USP34: variants seen among roughly 807,000 people sequenced by gnomAD.
The protein encoded by USP34 is ubiquitin specific peptidase 34, also known as ubiquitin carboxyl-terminal hydrolase 34.
A neutral mutation model predicts 460.3 loss-of-function variants in USP34; 70 were observed. The observed-to-expected ratio is 0.15, with a 90% CI of 0.13 to 0.19. The LOEUF (loss-of-function observed/expected upper bound fraction) is 0.19. Among genes scored for constraint, USP34 ranks in the 10% least tolerant of loss-of-function variants. The pLI, the probability that USP34 is intolerant of heterozygous loss-of-function variation, is 1.00. For synonymous variants in USP34, 1,647 were observed against 1,405.3 expected (o/e 1.17, Z -3.85); for missense variants, 3,985 against 4,236.2 (o/e 0.94, Z 1.65).
At chr2:61,220,244 A>G in intron 67 of USP34, 66 bp downstream of exon 67, 1 of 1,482,838 alleles carries the variant, frequency 6.7e-7, no homozygotes, top group Non-Finnish European at 9.0e-7. Context: ...GTTGCCTAAA[A>G]ACAAAATGAA....
chr2:61,425,340 C>T (rs1422143661), intron 1 of USP34, among the ~76,000 whole-genome samples: 4 of 152,076 alleles, frequency 2.6e-5, no homozygotes, highest in East Asian at 1.9e-4. Flanking sequence ...GTTTTAACTG[C>T]GTATCACTGA....
chr2:61,283,425 G>C lies in USP34; in HGVS notation c.4857C>G (p.His1619Gln). 1.2e-6 allele frequency: 2 copies of C among 1,606,846 alleles called. No individual in the cohort carries two copies. Among genetic ancestry groups the C allele is most frequent in the Non-Finnish European group, 1.7e-6 (2 of 1,177,360 alleles). ...APRVLKAQSD[H>Q]RSRHEVSHYS... ...AACCCTTACCTTCATGTCTAGACCT[G>C]TGATCAGACTGAGCTTTTAAAACTC... The change falls in exon 36 of 80, where the codon CAC (histidine) becomes CAG (glutamine). Residue 1619 changes from histidine to glutamine, a missense_variant. Transcript: ENST00000398571.
intron 62 of USP34, among the ~76,000 whole-genome samples, chr2:61,223,972 G>A (rs1296887265): frequency 1.3e-5 from 2 of 152,152 alleles, no homozygotes; most frequent in Non-Finnish European, 2.9e-5. Flanking sequence ...GAATTATTCT[G>A]AAGCAAATTC....
In USP34 at chr2:61,265,508, A is replaced by G; in HGVS notation, c.5667T>C (p.Ala1889=). 1 of 1,613,226 alleles carries G rather than the reference A, an allele frequency of 6.2e-7. No homozygotes were observed. Among genetic ancestry groups the G allele is most frequent in the Middle Eastern group, 1.7e-4 (1 of 6,054 alleles). Residue 1889 remains alanine, a synonymous_variant, in exon 43 of 80, where the codon GCT becomes GCC. Transcript: ENST00000398571. ...WDYWPHEDVR[A]ECRFVGLTNL... ...TAGTAAGGCCAACAAATCTACATTC[A>G]GCACGGACATCTTCATGAGGCCAGT...
intron 43 of USP34, among the ~76,000 whole-genome samples, chr2:61,263,396 G>C (rs1688954150): frequency 1.3e-5 from 2 of 151,566 alleles, no homozygotes; most frequent in Non-Finnish European, 2.9e-5. Context: ...GGCCAGGCTG[G>C]TCTCAGACTC....
intron 1 of USP34, among the ~76,000 whole-genome samples, chr2:61,448,205 T>C (rs1383506201): frequency 6.6e-6 from 1 of 152,218 alleles, no homozygotes; most frequent in Non-Finnish European, 1.5e-5. Context: ...CAGGCATGAA[T>C]GCCCATGTCT....
Position 61,434,944 on chromosome 2 carries a change from G to A in USP34, c.44-14111C>T, listed in dbSNP as rs374703073. On this transcript the variant is annotated intron_variant, in intron 1 of 79. Coordinates refer to ENST00000398571, the MANE Select transcript of USP34 (RefSeq NM_014709.4). ...ATAACGATCTTAAGGAAACTCAGGA[G>A]GTACAAGGGAATACAGGTAAGAACT... 6.8e-4 allele frequency among the ~76,000 whole-genome samples: 103 copies of A among 152,054 alleles called. 3 individuals carry two copies. In the South Asian group the frequency reaches 0.021, roughly 30 times the overall value.
At chr2:61,236,621 T>C (rs1027484276) in intron 53 of USP34, among the ~76,000 whole-genome samples, 5 of 152,200 alleles carry the variant, frequency 3.3e-5, no homozygotes, top group Admixed American at 6.5e-5. Context: ...AGGTTTTTAT[T>C]GTATTTATAA....
intron 29 of USP34, among the ~76,000 whole-genome samples, chr2:61,299,946 G>A (rs1423088670): frequency 1.3e-5 from 2 of 152,080 alleles, no homozygotes; most frequent in Non-Finnish European, 2.9e-5. Flanking sequence ...GCACAGGCCA[G>A]AAACCCAGTG....
At chr2:61,211,733 C>A (rs375983154) in intron 69 of USP34, 39 bp downstream of exon 69, 22 of 1,519,134 alleles carry the variant, frequency 1.4e-5, no homozygotes, top group Non-Finnish European at 1.9e-5. Context: ...CCTCATCTCA[C>A]TGGAAATAAA....
In USP34 at chr2:61,241,746, T is replaced by A. The variant is rs1203410463; in HGVS notation, c.6681+20A>T. The A allele has an allele frequency of 6.7e-7, 1 of 1,497,078 alleles. No individual in the cohort carries two copies. Among genetic ancestry groups the A allele is most frequent in the African/African-American group, 1.4e-5 (1 of 70,428 alleles). 92.7% of individuals were successfully genotyped at this position (1,497,078 alleles called of 1,614,324 possible). ...CAGAAGAAAAAACAATATAAAATTA[T>A]ACATGAAAAAAATGGTTACCTTTTC... On this transcript the variant is annotated intron_variant, in intron 52 of 79. Transcript: ENST00000398571.
At chr2:61,309,241 C>A (rs1008296572) in intron 27 of USP34, among the ~76,000 whole-genome samples, 1 of 152,068 alleles carries the variant, frequency 6.6e-6, no homozygotes, top group Non-Finnish European at 1.5e-5. Context: ...TTTAATGATG[C>A]AAGGAATAAA....
At chr2:61,345,321 A>T (rs544471246) in intron 15 of USP34, among the ~76,000 whole-genome samples, 36 of 152,324 alleles carry the variant, frequency 2.4e-4, no homozygotes, top group Admixed American at 2.1e-3. Flanking sequence ...GCCAATCTTG[A>T]AAAACACTTC....
intron 53 of USP34, among the ~76,000 whole-genome samples, chr2:61,238,335 T>C (rs1317255065): frequency 1.3e-5 from 2 of 152,168 alleles, no homozygotes; most frequent in Non-Finnish European, 2.9e-5. Context: ...AATTTGTACA[T>C]AATGTTTTGC....
At chr2:61,226,258 T>TGTCA (rs1274845084) in intron 62 of USP34, among the ~76,000 whole-genome samples, 2 of 152,256 alleles carry the variant, frequency 1.3e-5, no homozygotes, top group African/African-American at 4.8e-5. Flanking sequence ...TGTTGCCTTG[T>TGTCA]TTGACCTTAC....
intron 10 of USP34, among the ~76,000 whole-genome samples, chr2:61,356,307 G>A (rs2103800250): frequency 6.6e-6 from 1 of 152,194 alleles, no homozygotes; most frequent in Non-Finnish European, 1.5e-5. Context: ...GGTCAACATG[G>A]CAAAACCCTG....
chr2:61,467,609 G>C (rs1446909111), intron 1 of USP34, among the ~76,000 whole-genome samples: 1 of 137,500 alleles, frequency 7.3e-6, no homozygotes, highest in Non-Finnish European at 1.5e-5. Flanking sequence ...TGGGAGGACT[G>C]TAACTTTGTT....
chr2:61,262,916 G>GT (rs1333624346), intron 43 of USP34, among the ~76,000 whole-genome samples: 2 of 151,952 alleles, frequency 1.3e-5, no homozygotes, highest in Non-Finnish European at 2.9e-5. Context: ...GTTTAGTTTT[G>GT]TATTTCTCTA....
intron 57 of USP34, among the ~76,000 whole-genome samples, chr2:61,235,146 T>A (rs1205365216): frequency 6.6e-6 from 1 of 152,168 alleles, no homozygotes; most frequent in Admixed American, 6.5e-5. Context: ...TTAATTAATT[T>A]GAATGTGGGG....
Sources: allele counts gnomAD v4.1 joint callset (sites outside exome capture counted in the v4.1 genomes callset), GRCh38; gene constraint gnomAD v4.1.1; transcripts MANE v1.5; gene names NCBI Gene and HGNC (gene_info 2026-07-23, HGNC 2026-07-21).